Variants in IFT80 observed in about 807,000 individuals in gnomAD.
IFT80 encodes the protein intraflagellar transport protein 80 homolog.
Under a neutral mutation model 107.9 loss-of-function variants are expected in IFT80, and 79 were observed. The observed-to-expected ratio is 0.73, with a 90% CI of 0.61 to 0.88. The LOEUF (loss-of-function observed/expected upper bound fraction) is 0.88, where lower values mean the gene tolerates loss of function less well. Among genes scored for constraint, IFT80 ranks in the 40% least tolerant of loss-of-function variants. The pLI, the probability that IFT80 is intolerant of heterozygous loss-of-function variation, is 0.00. For missense variants in IFT80, 797 were observed against 914.2 expected (o/e 0.87, Z 1.65); for synonymous variants, 299 against 300.9 (o/e 0.99, Z 0.07).
chr3:160,307,200 T>A (rs1716890789), intron 10 of IFT80, among the ~76,000 whole-genome samples: 1 of 152,048 alleles, frequency 6.6e-6, no homozygotes, highest in Non-Finnish European at 1.5e-5. Context: ...CAGACTGGAG[T>A]GTAGTGGTAG....
intron 9 of IFT80, among the ~76,000 whole-genome samples, chr3:160,318,664 C>T (rs941854640): frequency 6.6e-6 from 1 of 152,074 alleles, no homozygotes; most frequent in Non-Finnish European, 1.5e-5. Flanking sequence ...ACATCCGAAC[C>T]TTCTTGTATT....
chr3:160,284,905 A>G (rs911738644), intron 13 of IFT80, among the ~76,000 whole-genome samples: 1 of 152,336 alleles, frequency 6.6e-6, no homozygotes, highest in Non-Finnish European at 1.5e-5. Context: ...GGAAGAATAT[A>G]TAAGAGATTA....
At chr3:160,387,170 G>C (rs897245129) in intron 1 of IFT80, among the ~76,000 whole-genome samples, 1 of 152,230 alleles carries the variant, frequency 6.6e-6, no homozygotes. Context: ...AATATATTTT[G>C]AGGAAAGATT....
intron 1 of IFT80, among the ~76,000 whole-genome samples, chr3:160,391,194 A>T (rs563707530): frequency 3.8e-4 from 58 of 152,222 alleles, no homozygotes; most frequent in Admixed American, 7.8e-4. Flanking sequence ...GTATAACACC[A>T]CCAGCTTGCC....
At chr3:160,345,368 G>A (rs938289938) in intron 8 of IFT80, among the ~76,000 whole-genome samples, 1 of 152,126 alleles carries the variant, frequency 6.6e-6, no homozygotes, top group African/African-American at 2.4e-5. Flanking sequence ...TCACTTATTT[G>A]TGGGATTTAA....
intron 4 of IFT80, among the ~76,000 whole-genome samples, chr3:160,376,987 A>T (rs1040207117): frequency 6.6e-6 from 1 of 152,172 alleles, no homozygotes; most frequent in South Asian, 2.1e-4. Context: ...TCCCTGACCC[A>T]CAGAAACTAT....
chr3:160,396,884 A>C (rs1051278364), intron 1 of IFT80, among the ~76,000 whole-genome samples: 2 of 152,300 alleles, frequency 1.3e-5, no homozygotes, highest in Admixed American at 6.5e-5. Context: ...GTATATATAA[A>C]TCTCCAGATT....
chr3:160,284,558 T>A (rs1421063764), intron 13 of IFT80, among the ~76,000 whole-genome samples: 2 of 152,210 alleles, frequency 1.3e-5, no homozygotes, highest in African/African-American at 4.8e-5. Flanking sequence ...AATTCTCATA[T>A]CCTTTGACCC....
chr3:160,397,546 A>C (rs1310479552), intron 1 of IFT80, among the ~76,000 whole-genome samples: 1 of 152,208 alleles, frequency 6.6e-6, no homozygotes, highest in African/African-American at 2.4e-5. Flanking sequence ...ATGATGAGAC[A>C]GGTATTATAT....
chr3:160,310,090 C>A (rs906163117), intron 9 of IFT80, among the ~76,000 whole-genome samples: 6 of 152,080 alleles, frequency 3.9e-5, no homozygotes, highest in African/African-American at 1.4e-4. Flanking sequence ...TAGCAATGAA[C>A]ACACGTTATT....
At chr3:160,341,343 TAA>T (rs10572114) in intron 8 of IFT80, among the ~76,000 whole-genome samples, 60,041 of 143,060 alleles carry the variant, frequency 0.42, 12,734 homozygotes, top group Non-Finnish European at 0.49. Context: ...TAACAATGAT[TAA>T]AAAAAAAAAA....
rs1714766299 is a variant in IFT80, at chr3:160,282,544, T to C, written c.1450A>G (p.Lys484Glu). Residue 484 changes from lysine to glutamate, a missense_variant, in exon 14 of 20, where the codon AAA (lysine) becomes GAA (glutamate). Coordinates refer to ENST00000326448, the MANE Select transcript of IFT80 (RefSeq NM_020800.3). ...GAAGTGATACAGAGATCTCTATTTT[T>C]ATCAATGAAAGCAATTTTTCTATCA... is the stretch of plus-strand genomic sequence containing the variant. ...TNDRKIAFID[K>E]NRDLCITSVK... 6.3e-7 allele frequency: 1 copy of C among 1,594,380 alleles called. No homozygotes were observed. The highest frequency in any genetic ancestry group is 8.6e-7 in the Non-Finnish European group (1 of 1,166,322).
chr3:160,279,314 G>T lies in IFT80; in HGVS notation c.1715C>A (p.Thr572Asn). The change falls in exon 16 of 20, where the codon ACT (threonine) becomes AAT (asparagine). Residue 572 changes from threonine to asparagine, a missense_variant. By Grantham distance (65) the Thr-to-Asn change is moderately conservative. Coordinates refer to ENST00000326448, the MANE Select transcript of IFT80 (RefSeq NM_020800.3). ...CAGGGAGCCATCAGCTCTTCTAATA[G>T]TTACTTGATTTCCAACAAAACTCAC... ...HIVSFVGNQVTIRRADGSLVH... is the reference protein window; with the variant it reads ...HIVSFVGNQVNIRRADGSLVH... 6.2e-7 allele frequency: 1 copy of T among 1,612,990 alleles called. No homozygotes were observed. Among genetic ancestry groups the T allele is most frequent in the Non-Finnish European group, 8.5e-7 (1 of 1,179,204 alleles).
intron 11 of IFT80, 88 bp downstream of exon 11, chr3:160,303,827 C>T (rs1012257718): frequency 1.1e-4 from 89 of 818,924 alleles, no homozygotes; most frequent in Non-Finnish European, 1.6e-4. Flanking sequence ...ACTAGTATAC[C>T]ATTCTTTTAA....
chr3:160,307,812 CATT>C, intron 9 of IFT80, 31 bp from the exon 10 acceptor site: 1 of 1,090,952 alleles, frequency 9.2e-7, no homozygotes, highest in Non-Finnish European at 1.4e-6. Flanking sequence ...TACCAATAAA[CATT>C]ATAACATATC....
intron 14 of IFT80, 74 bp downstream of exon 14, chr3:160,282,400 GATTC>G (rs1714752298): frequency 9.8e-6 from 10 of 1,023,400 alleles, no homozygotes; most frequent in Non-Finnish European, 1.3e-5. Flanking sequence ...AACATTTCCA[GATTC>G]ATTCAAATTA....
chr3:160,281,103 T>C (rs1714655503), intron 14 of IFT80, among the ~76,000 whole-genome samples: 1 of 152,156 alleles, frequency 6.6e-6, no homozygotes, highest in South Asian at 2.1e-4. Flanking sequence ...CCTCTTGCCC[T>C]CAGGCCATCA....
At chr3:160,275,478 C>T (rs1714189840) in intron 18 of IFT80, among the ~76,000 whole-genome samples, 1 of 152,146 alleles carries the variant, frequency 6.6e-6, no homozygotes, top group Non-Finnish European at 1.5e-5. Context: ...GGATTATATG[C>T]TTCCTGAACA....
intron 8 of IFT80, among the ~76,000 whole-genome samples, chr3:160,337,327 A>G (rs1370741637): frequency 6.6e-6 from 1 of 152,168 alleles, no homozygotes; most frequent in Admixed American, 6.5e-5. Flanking sequence ...TGACCTTTAT[A>G]TTTAAAGGTA....
Sources: gnomAD v4.1 joint callset for allele counts (sites outside exome capture counted in the v4.1 genomes callset) on GRCh38, gnomAD v4.1.1 for gene constraint, MANE v1.5 for transcripts, NCBI Gene and HGNC (gene_info 2026-07-23, HGNC 2026-07-21) for gene names.